ZNF804B: variants seen among roughly 807,000 people sequenced by gnomAD.
ZNF804B encodes the protein zinc finger protein 804B.
Under a neutral mutation model 101.4 loss-of-function variants are expected in ZNF804B, and 80 were observed. That is an observed-to-expected ratio of 0.79 (90% confidence interval 0.66 to 0.95). The LOEUF is 0.95. ZNF804B is among the 40% of genes least tolerant of loss of function. ZNF804B has a pLI of 0.00. For missense variants in ZNF804B, 1,673 were observed against 1,561.9 expected (o/e 1.07, Z -1.20); for synonymous variants, 622 against 558.8 (o/e 1.11, Z -1.59).
intron 2 of ZNF804B, among the ~76,000 whole-genome samples, chr7:89,319,810 G>A (rs1790792335): frequency 6.6e-6 from 1 of 152,108 alleles, no homozygotes; most frequent in Admixed American, 6.6e-5. Flanking sequence ...CTTAAATAAA[G>A]CAACAAAGAC....
At chr7:88,951,374 A>G (rs566113359) in intron 1 of ZNF804B, among the ~76,000 whole-genome samples, 79 of 151,802 alleles carry the variant, frequency 5.2e-4, no homozygotes, top group Non-Finnish European at 9.2e-4. Flanking sequence ...TATGATTTAG[A>G]ATAGAAACTG....
Position 88,963,700 on chromosome 7 carries a change from T to C in ZNF804B, c.108+203616T>C, listed in dbSNP as rs566551682. ...TGTATATCATCAAAATTAAAAACTT[T>C]TTTTTACATCATAGAATCCTGTTAG... On this transcript the variant is annotated intron_variant, in intron 1 of 3. Transcript: ENST00000333190. Among the ~76,000 whole-genome samples, 13 of 151,460 alleles carry C rather than the reference T, an allele frequency of 8.6e-5. No homozygotes were observed. The East Asian group carries it at 2.4e-3, about 27-fold the overall frequency.
At position 88,907,507 on chromosome 7, in the gene ZNF804B, G is replaced by A. The variant is rs532291690; in HGVS notation, c.108+147423G>A. Among the ~76,000 whole-genome samples the A allele has an allele frequency of 9.9e-5, 15 of 152,040 alleles. No homozygotes were observed. The South Asian group carries it at 3.1e-3, about 32-fold the overall frequency. ...AACAACAGAAGCTAACATTGCTATAGCATTTAAACTAATTTAAATCTAATT... is the reference window on the plus strand; with the variant it reads ...AACAACAGAAGCTAACATTGCTATAACATTTAAACTAATTTAAATCTAATT... On this transcript the variant is annotated intron_variant, in intron 1 of 3. Coordinates refer to ENST00000333190, the MANE Select transcript of ZNF804B (RefSeq NM_181646.5).
intron 1 of ZNF804B, among the ~76,000 whole-genome samples, chr7:89,113,758 C>G (rs770363587): frequency 6.6e-6 from 1 of 152,206 alleles, no homozygotes; most frequent in Non-Finnish European, 1.5e-5. Flanking sequence ...TGAGACCATC[C>G]TGGCCAACAT....
rs762912212 is a variant in ZNF804B, at chr7:89,334,513, A to G, written c.1531A>G (p.Lys511Glu). The part of the protein sequence containing the change: ...LGKKPLELKT[K>E]RESQVSGLTE... ...TAAGAAGCCCTTGGAATTGAAGACT[A>G]AAAGAGAGAGCCAAGTCTCAGGTTT... The change falls in exon 4 of 4, where the codon AAA becomes GAA. Residue 511 changes from lysine to glutamate, a missense_variant. By Grantham distance (56) the Lys-to-Glu change is moderately conservative. Transcript: ENST00000333190. 5 of 1,613,610 alleles carry G rather than the reference A, an allele frequency of 3.1e-6. No individual in the cohort carries two copies. The South Asian group carries it at 3.3e-5, about 11-fold the overall frequency.
intron 1 of ZNF804B, among the ~76,000 whole-genome samples, chr7:89,009,721 C>T (rs775220919): frequency 2.6e-5 from 4 of 152,168 alleles, no homozygotes; most frequent in Non-Finnish European, 5.9e-5. Context: ...TGTTTATGAA[C>T]CAGAAAGTGG....
intron 1 of ZNF804B, among the ~76,000 whole-genome samples, chr7:89,134,425 C>G (rs967654713): frequency 5.3e-5 from 8 of 152,090 alleles, no homozygotes; most frequent in African/African-American, 1.9e-4. Context: ...ACATCCCTAA[C>G]AGAGCATAAT....
At chr7:89,149,420 A>G (rs2015535) in intron 1 of ZNF804B, among the ~76,000 whole-genome samples, 23,159 of 151,988 alleles carry the variant, frequency 0.15, 1,857 homozygotes, top group Admixed American at 0.16. Context: ...TAGTTACCCT[A>G]TGTTTGCCAG....
At chr7:89,290,397 C>T (rs1009081998) in intron 2 of ZNF804B, among the ~76,000 whole-genome samples, 20 of 152,062 alleles carry the variant, frequency 1.3e-4, no homozygotes, top group African/African-American at 3.6e-4. Context: ...TGGAGTATAG[C>T]AAAAGTGGGC....
intron 2 of ZNF804B, among the ~76,000 whole-genome samples, chr7:89,319,752 G>A (rs924813003): frequency 6.6e-6 from 1 of 152,086 alleles, no homozygotes; most frequent in Admixed American, 6.6e-5. Flanking sequence ...CTAATGATAA[G>A]GTAGTGTCTA....
chr7:89,055,784 A>G (rs772215607), intron 1 of ZNF804B, among the ~76,000 whole-genome samples: 2 of 152,028 alleles, frequency 1.3e-5, no homozygotes, highest in Non-Finnish European at 2.9e-5. Flanking sequence ...CAAAAAATCA[A>G]TCAGAAAAAG....
Position 89,168,273 on chromosome 7 carries a change from A to G in ZNF804B, c.109-49882A>G, listed in dbSNP as rs1174000713. On this transcript the variant is annotated intron_variant, in intron 1 of 3. Transcript: ENST00000333190. ...TGGTACTAAAATAACTTAAAGCTAC[A>G]TGAAGTCTTTTTAGTGTGTTTGTGC... 2.6e-5 allele frequency among the ~76,000 whole-genome samples: 4 copies of G among 152,128 alleles called. No homozygotes were observed. The South Asian group carries it at 6.2e-4, about 24-fold the overall frequency.
chr7:89,244,478 A>G (rs1482692079), intron 2 of ZNF804B, among the ~76,000 whole-genome samples: 2 of 152,154 alleles, frequency 1.3e-5, no homozygotes, highest in East Asian at 3.8e-4. Context: ...ATAACACTGA[A>G]TAAAGTAAAA....
intron 1 of ZNF804B, among the ~76,000 whole-genome samples, chr7:88,883,400 A>G (rs1010985092): frequency 6.6e-6 from 1 of 152,102 alleles, no homozygotes; most frequent in Non-Finnish European, 1.5e-5. Flanking sequence ...TTTACCAGAC[A>G]TTGTTACATA....
chr7:89,185,530 C>G (rs1788362687), intron 1 of ZNF804B, among the ~76,000 whole-genome samples: 1 of 152,100 alleles, frequency 6.6e-6, no homozygotes, highest in South Asian at 2.1e-4. Context: ...AGTTCGTCTT[C>G]AAGTCTCAAA....
intron 2 of ZNF804B, among the ~76,000 whole-genome samples, chr7:89,230,563 G>A (rs150909211): frequency 6.5e-4 from 99 of 152,200 alleles, no homozygotes; most frequent in African/African-American, 2.3e-3. Context: ...GTATGGTATC[G>A]TCAAGAGAAT....
intron 1 of ZNF804B, among the ~76,000 whole-genome samples, chr7:88,927,119 A>G (rs1792816298): frequency 6.6e-6 from 1 of 152,166 alleles, no homozygotes. Flanking sequence ...CAGTGCCAAA[A>G]TTAACAGACA....
At chr7:89,260,311 ACTTCT>A (rs1163685214) in intron 2 of ZNF804B, among the ~76,000 whole-genome samples, 1 of 151,572 alleles carries the variant, frequency 6.6e-6, no homozygotes, top group Non-Finnish European at 1.5e-5. Flanking sequence ...ACTAATGCTC[ACTTCT>A]CTTCCTTACT....
At position 89,026,212 on chromosome 7, in the gene ZNF804B, G is replaced by A. The variant is rs1175006909; in HGVS notation, c.109-191943G>A. 3.3e-5 allele frequency among the ~76,000 whole-genome samples: 5 copies of A among 152,138 alleles called. No individual in the cohort carries two copies. In the East Asian group the frequency reaches 5.8e-4, roughly 18 times the overall value. ...CATGAATATAACAAAATTGGCAATAGTAATATACCATAACAAGTGATATGA... is the reference window on the plus strand; with the variant it reads ...CATGAATATAACAAAATTGGCAATAATAATATACCATAACAAGTGATATGA... On this transcript the variant is annotated intron_variant, in intron 1 of 3. Transcript: ENST00000333190.
Sources: allele counts gnomAD v4.1 joint callset (sites outside exome capture counted in the v4.1 genomes callset), GRCh38; gene constraint gnomAD v4.1.1; transcripts MANE v1.5; gene names NCBI Gene and HGNC (gene_info 2026-07-23, HGNC 2026-07-21).